Variants in WDR72 observed in about 807,000 individuals in gnomAD.
WDR72 encodes WD repeat-containing protein 72.
Under a neutral mutation model 124.2 loss-of-function variants are expected in WDR72, and 120 were observed. That is an observed-to-expected ratio of 0.97 (90% CI 0.83 to 1.12). WDR72 has a LOEUF of 1.12. Ranked by LOEUF, WDR72 falls within the 50% of genes most tolerant of loss-of-function variation. The pLI is 0.00. For synonymous variants in WDR72, 452 were observed against 441.7 expected, an observed-to-expected ratio of 1.02 and a Z score of -0.29; for missense variants, 1,387 against 1,278.8, an observed-to-expected ratio of 1.08 and a Z score of -1.29.
intron 19 of WDR72, among the ~76,000 whole-genome samples, chr15:53,521,958 G>C (rs1891823737): frequency 6.6e-6 from 1 of 151,970 alleles, no homozygotes; most frequent in Admixed American, 6.6e-5. Flanking sequence ...TTATGGCAAG[G>C]GGTGGGGTTA....
chr15:53,671,128 A>T (rs558763666), intron 13 of WDR72, among the ~76,000 whole-genome samples: 3 of 151,666 alleles, frequency 2.0e-5, no homozygotes, highest in South Asian at 2.1e-4. Flanking sequence ...CCTGCTCATG[A>T]TTTTTTTTTA....
At chr15:53,714,782 A>G (rs976328575) in intron 5 of WDR72, among the ~76,000 whole-genome samples, 5 of 152,218 alleles carry the variant, frequency 3.3e-5, no homozygotes, top group Non-Finnish European at 5.9e-5. Flanking sequence ...CTATTTCGGA[A>G]GTAAGTGAGG....
At position 53,609,554 on chromosome 15, in the gene WDR72, G is replaced by A; in HGVS notation, c.2911C>T (p.Leu971Phe). Residue 971 changes from leucine (L) to phenylalanine (F), a missense_variant, in exon 17 of 20, where the codon CTT becomes TTT. Coordinates refer to ENST00000360509, the MANE Select transcript of WDR72 (RefSeq NM_182758.4). Reference protein sequence around the residue: ...ESHVPEADLSLLKLISCWRDQ... With the variant: ...ESHVPEADLSFLKLISCWRDQ... ...CTCCAACAGGAAATTAGCTTCAAAA[G>A]TGAAAGGTCAGCCTCAGGTACATGG... 1 of 1,613,542 alleles carries A rather than the reference G, an allele frequency of 6.2e-7. No individual in the cohort carries two copies. Among genetic ancestry groups the A allele is most frequent in the East Asian group, 2.2e-5 (1 of 44,848 alleles).
intron 3 of WDR72, among the ~76,000 whole-genome samples, chr15:53,720,937 G>A (rs889321019): frequency 7.9e-5 from 12 of 152,152 alleles, no homozygotes; most frequent in Non-Finnish European, 1.2e-4. Context: ...AGGCAAAAAT[G>A]CTAAGTCCAT....
rs115318793 is a variant in WDR72, at chr15:53,643,574, C to A, written c.1962+21998G>T. Among the ~76,000 whole-genome samples, 1,460 of 152,170 alleles carry A rather than the reference C, an allele frequency of 9.6e-3. 33 individuals are homozygous for A. Among genetic ancestry groups the A allele is most frequent in the African/African-American group, 0.034 (1,407 of 41,532 alleles). On this transcript the variant is annotated intron_variant, in intron 14 of 19. Transcript: ENST00000360509. ...GTTCCTCATCAAACTTTCTTTGGGG[C>A]AACCAAATACAATGCTAAGAACCTG...
intron 13 of WDR72, among the ~76,000 whole-genome samples, chr15:53,684,956 C>T (rs564965579): frequency 2.2e-4 from 34 of 152,322 alleles, no homozygotes; most frequent in South Asian, 8.3e-4. Flanking sequence ...GGCACACTGA[C>T]ACCTCACAAG....
intron 14 of WDR72, among the ~76,000 whole-genome samples, chr15:53,649,674 T>C (rs1326398676): frequency 1.3e-5 from 2 of 152,140 alleles, no homozygotes; most frequent in Admixed American, 6.6e-5. Context: ...AAGAAATATA[T>C]GCAAAATGCT....
rs754612480 is a variant in WDR72, at chr15:53,714,473, G to GCACC, written c.551_552insGGTG (p.Lys185ValfsTer21). 1 of 1,613,686 alleles carries GCACC rather than the reference G, an allele frequency of 6.2e-7. No individual in the cohort carries two copies. Among genetic ancestry groups the GCACC allele is most frequent in the Non-Finnish European group, 8.5e-7 (1 of 1,179,908 alleles). ...TAGATGAGGAAAGATCCCATACTTT[G>GCACC]AGCTCACCAGCTACTGATACCACCA... On this transcript the variant is annotated frameshift_variant, in exon 6 of 20. Transcript: ENST00000360509. LOFTEE classifies it high-confidence loss of function.
chr15:53,643,397 C>G (rs1252096818), intron 14 of WDR72, among the ~76,000 whole-genome samples: 1 of 152,030 alleles, frequency 6.6e-6, no homozygotes, highest in African/African-American at 2.4e-5. Flanking sequence ...TACACAGACA[C>G]GCTATGAGGA....
At chr15:53,722,435 G>A (rs1176443822) in intron 3 of WDR72, among the ~76,000 whole-genome samples, 2 of 152,176 alleles carry the variant, frequency 1.3e-5, no homozygotes, top group Admixed American at 1.3e-4. Flanking sequence ...TTGCTTAAGA[G>A]CTCAAAGTGT....
In WDR72 at chr15:53,672,713, G is replaced by T. The variant is rs573298427; in HGVS notation, c.1766-6945C>A. 3.9e-5 allele frequency among the ~76,000 whole-genome samples: 6 copies of T among 152,246 alleles called. No individual in the cohort carries two copies. In the East Asian group the frequency reaches 1.2e-3, roughly 29 times the overall value. On this transcript the variant is annotated intron_variant, in intron 13 of 19. Coordinates refer to ENST00000360509, the MANE Select transcript of WDR72 (RefSeq NM_182758.4). ...AAGATCTAAACATCTACCTAAAGAA[G>T]GAGAAGAAAGAGCCATCACATTCTA...
intron 1 of WDR72, among the ~76,000 whole-genome samples, chr15:53,747,855 A>G (rs956738327): frequency 1.1e-4 from 16 of 152,180 alleles, no homozygotes; most frequent in African/African-American, 3.1e-4. Context: ...TTTTATTTAT[A>G]TTCAATTAGT....
At chr15:53,541,477 G>C (rs12438712) in intron 18 of WDR72, among the ~76,000 whole-genome samples, 30,232 of 143,222 alleles carry the variant, frequency 0.21, 3,581 homozygotes, top group African/African-American at 0.24. Context: ...GACATCCACA[G>C]CAAAAACTCA....
rs772301008 is a variant in WDR72, at chr15:53,591,814, C to G, written c.3148+5265G>C. On this transcript the variant is annotated intron_variant, in intron 18 of 19. Transcript: ENST00000360509. ...CTCAAGCTTGCATTATTCTTATTGT[C>G]TTTAAACCACGGTTTCTTGAGAGAG... 2.6e-5 allele frequency among the ~76,000 whole-genome samples: 4 copies of G among 151,924 alleles called. 1 individual carries two copies. Among genetic ancestry groups the G allele is most frequent in the Middle Eastern group, 6.4e-3 (2 of 314 alleles).
intron 18 of WDR72, among the ~76,000 whole-genome samples, chr15:53,523,924 A>T (rs1179216667): frequency 6.6e-6 from 1 of 152,098 alleles, no homozygotes; most frequent in African/African-American, 2.4e-5. Flanking sequence ...ACAACCTATC[A>T]TGAGATATTG....
intron 13 of WDR72, among the ~76,000 whole-genome samples, chr15:53,691,960 T>C (rs1335572395): frequency 1.3e-5 from 2 of 152,182 alleles, no homozygotes; most frequent in African/African-American, 4.8e-5. Flanking sequence ...ATTTGTTGAG[T>C]TCTTCCTATG....
At chr15:53,549,824 T>C (rs947858145) in intron 18 of WDR72, among the ~76,000 whole-genome samples, 4 of 152,214 alleles carry the variant, frequency 2.6e-5, no homozygotes, top group African/African-American at 9.6e-5. Flanking sequence ...GCCCAGACTT[T>C]GGCCTTATTT....
In WDR72 at chr15:53,516,800, A is replaced by G. The variant is rs1353880992; in HGVS notation, c.*899T>C. 6.6e-6 allele frequency: 1 copy of G among 152,128 alleles called. No individual in the cohort carries two copies. Among genetic ancestry groups the G allele is most frequent in the African/African-American group, 2.4e-5 (1 of 41,444 alleles). The allele number at this position is 152,128 out of a possible 1,614,324, so 9.4% of individuals were successfully genotyped here. Reference sequence around the variant, plus strand: ...TTTCTGTAAATCGAGGAACTGTACAATATAAATCATAGTAAATAGATCACC... The same window carrying G: ...TTTCTGTAAATCGAGGAACTGTACAGTATAAATCATAGTAAATAGATCACC... On this transcript the variant is annotated 3_prime_UTR_variant, in exon 20 of 20. Transcript: ENST00000360509.
chr15:53,734,388 A>G (rs570813392), intron 1 of WDR72, among the ~76,000 whole-genome samples: 150 of 152,310 alleles, frequency 9.8e-4, no homozygotes, highest in African/African-American at 3.5e-3. Flanking sequence ...GCAATTCTGA[A>G]TACCAGGATT....
Sources: allele counts gnomAD v4.1 joint callset (sites outside exome capture counted in the v4.1 genomes callset), GRCh38; gene constraint gnomAD v4.1.1; transcripts MANE v1.5; gene names NCBI Gene and HGNC (gene_info 2026-07-23, HGNC 2026-07-21).